Variants in TENM2 observed in about 807,000 individuals in gnomAD.
TENM2 encodes the protein teneurin transmembrane protein 2.
TENM2 carries 52 observed loss-of-function variants against 245.2 expected under a neutral mutation model. The ratio of observed to expected loss-of-function variants is 0.21; its 90% CI spans 0.17 to 0.27. The LOEUF is 0.27. Among genes scored for constraint, TENM2 ranks in the 10% least tolerant of loss-of-function variants. The pLI is 1.00. For missense variants in TENM2, 3,046 were observed against 3,666.8 expected (o/e 0.83, Z 4.37); for synonymous variants, 1,363 against 1,438.9 (o/e 0.95, Z 1.19).
chr5:167,925,166 A>G (rs1777656228), intron 3 of TENM2, among the ~76,000 whole-genome samples: 1 of 152,242 alleles, frequency 6.6e-6, no homozygotes, highest in Non-Finnish European at 1.5e-5. Context: ...CTTGAATAGC[A>G]TCATACAATA....
At chr5:166,987,237 A>T in the TENM2 span, among the ~76,000 whole-genome samples, 1 of 152,112 alleles carries the variant, frequency 6.6e-6, no homozygotes, top group East Asian at 1.9e-4. Flanking sequence ...TTCTCTTGTC[A>T]GTCAATTCAT....
intron 2 of TENM2, among the ~76,000 whole-genome samples, chr5:167,552,715 T>C (rs989361058): frequency 6.6e-6 from 1 of 152,190 alleles, no homozygotes; most frequent in Non-Finnish European, 1.5e-5. Flanking sequence ...CATAAAGGTG[T>C]GTTGCGTATA....
intron 2 of TENM2, among the ~76,000 whole-genome samples, chr5:167,560,228 T>A (rs989285137): frequency 3.3e-5 from 5 of 152,226 alleles, no homozygotes; most frequent in African/African-American, 1.2e-4. Context: ...GTGACTCTTG[T>A]GTACATTGAA....
chr5:168,191,739 T>C (rs1041477978), intron 14 of TENM2, among the ~76,000 whole-genome samples: 1 of 152,150 alleles, frequency 6.6e-6, no homozygotes, highest in African/African-American at 2.4e-5. Flanking sequence ...ACTTCCCTTC[T>C]TACAGAAGCA....
At chr5:167,893,894 C>T (rs771615319) in intron 3 of TENM2, among the ~76,000 whole-genome samples, 5 of 152,126 alleles carry the variant, frequency 3.3e-5, no homozygotes, top group Non-Finnish European at 5.9e-5. Context: ...TTATGCCTAA[C>T]GTGCTCTTGA....
At chr5:167,380,152 T>C (rs1458480058) in intron 2 of TENM2, among the ~76,000 whole-genome samples, 1 of 152,110 alleles carries the variant, frequency 6.6e-6, no homozygotes, top group East Asian at 1.9e-4. Flanking sequence ...ATGATCTCCT[T>C]TACATTTTTC....
chr5:167,263,125 A>G, the TENM2 span, among the ~76,000 whole-genome samples: 1 of 152,072 alleles, frequency 6.6e-6, no homozygotes, highest in Non-Finnish European at 1.5e-5. Flanking sequence ...GAGGGGGTAC[A>G]AATATTCAGA....
chr5:167,166,556 T>C, the TENM2 span, among the ~76,000 whole-genome samples: 23 of 152,206 alleles, frequency 1.5e-4, no homozygotes, highest in Admixed American at 1.5e-3. Context: ...AGGTTTATTA[T>C]GATTTTGCCT....
intron 2 of TENM2, among the ~76,000 whole-genome samples, chr5:167,438,123 G>T (rs1484242132): frequency 1.3e-5 from 2 of 152,086 alleles, no homozygotes; most frequent in African/African-American, 2.4e-5. Flanking sequence ...GATAATCCAG[G>T]TTAATTTGTA....
At chr5:167,748,902 G>A (rs1761767258) in intron 2 of TENM2, among the ~76,000 whole-genome samples, 1 of 152,032 alleles carries the variant, frequency 6.6e-6, no homozygotes, top group African/African-American at 2.4e-5. Flanking sequence ...TTCAAGATGA[G>A]ATTTGGGTGG....
At chr5:168,167,557 G>A (rs1758415728) in intron 13 of TENM2, among the ~76,000 whole-genome samples, 1 of 152,190 alleles carries the variant, frequency 6.6e-6, no homozygotes, top group Admixed American at 6.5e-5. Flanking sequence ...AGGTAGGGTA[G>A]GAGGAAGCCT....
At chr5:167,955,882 A>T (rs139231986) in intron 4 of TENM2, among the ~76,000 whole-genome samples, 10,835 of 152,184 alleles carry the variant, frequency 0.071, 408 homozygotes, top group Middle Eastern at 0.092. Context: ...CTTGTAGTAT[A>T]GTTTGAAGTC....
At chr5:167,971,263 A>C (rs1171174118) in intron 4 of TENM2, among the ~76,000 whole-genome samples, 1 of 49,150 alleles carries the variant, frequency 2.0e-5, no homozygotes, top group Non-Finnish European at 3.5e-5. Context: ...AGAGAGAGAG[A>C]GAAAGAAAGG....
chr5:168,053,876 A>G lies in TENM2; in HGVS notation c.1309+6327A>G, dbSNP rs557691100. On this transcript the variant is annotated intron_variant, in intron 6 of 28. Coordinates refer to ENST00000518659, the Ensembl canonical transcript of TENM2. ...GGGTTTTGATCATAGATCTACCAGT[A>G]AAAAGCTGGGTGACCCTAAGCAAGT... is the stretch of plus-strand genomic sequence containing the variant. Among the ~76,000 whole-genome samples the G allele has an allele frequency of 2.4e-4, 37 of 152,304 alleles. 1 individual carries two copies. In the Middle Eastern group the frequency reaches 0.014, roughly 56 times the overall value.
At chr5:167,290,381 T>C (rs1754562913) in intron 1 of TENM2, among the ~76,000 whole-genome samples, 1 of 152,202 alleles carries the variant, frequency 6.6e-6, no homozygotes, top group African/African-American at 2.4e-5. Context: ...CAATTGTGTA[T>C]TTATTAGATC....
intron 2 of TENM2, among the ~76,000 whole-genome samples, chr5:167,603,651 A>G (rs1317234219): frequency 6.6e-6 from 1 of 152,232 alleles, no homozygotes; most frequent in Admixed American, 6.5e-5. Context: ...ACTGCATTCC[A>G]GCCTGGCTAA....
the TENM2 span, among the ~76,000 whole-genome samples, chr5:167,075,326 C>T: frequency 1.3e-5 from 2 of 152,120 alleles, no homozygotes; most frequent in African/African-American, 2.4e-5. Flanking sequence ...CCTTATCTTC[C>T]TCTTGGTCGT....
chr5:167,835,719 C>CT (rs1316440297), intron 2 of TENM2, among the ~76,000 whole-genome samples: 1 of 151,228 alleles, frequency 6.6e-6, no homozygotes. Flanking sequence ...AATATAGTAA[C>CT]TAAAAAAAAA....
At chr5:167,247,370 T>C in the TENM2 span, among the ~76,000 whole-genome samples, 2 of 152,204 alleles carry the variant, frequency 1.3e-5, no homozygotes, top group African/African-American at 4.8e-5. Flanking sequence ...TCTGAAGTCA[T>C]CTTGCAGTTT....
Sources: gnomAD v4.1 joint callset for allele counts (sites outside exome capture counted in the v4.1 genomes callset) on GRCh38, gnomAD v4.1.1 for gene constraint, MANE v1.5 for transcripts, NCBI Gene and HGNC (gene_info 2026-07-23, HGNC 2026-07-21) for gene names.